ST3GAL5: variants seen among roughly 807,000 people sequenced by gnomAD.
The protein encoded by ST3GAL5 is lactosylceramide alpha-2,3-sialyltransferase.
ST3GAL5 carries 25 observed loss-of-function variants against 46.1 expected under a neutral mutation model. The observed-to-expected ratio is 0.54, with a 90% CI of 0.40 to 0.76. The LOEUF (loss-of-function observed/expected upper bound fraction) is 0.76, where lower values mean the gene tolerates loss of function less well. ST3GAL5 is among the 30% of genes least tolerant of loss of function. The probability of loss-of-function intolerance (pLI) is 0.00; values close to 1 mark genes in which losing one functional copy is unlikely to be tolerated. For missense variants in ST3GAL5, 431 were observed against 521.2 expected (o/e 0.83, Z 1.69); for synonymous variants, 182 against 192.7 (o/e 0.94, Z 0.46).
intron 3 of ST3GAL5, chr2:85,855,045 CAA>C (rs1383301003): frequency 2.0e-5 from 3 of 152,296 alleles, no homozygotes; most frequent in Admixed American, 2.0e-4. Context: ...AACTGGAGAA[CAA>C]CATGCAAAAG....
rs935431865 is a variant in ST3GAL5, at chr2:85,854,888, C to T, written c.318+6293G>A. ...CACACAGAGGGACGATCAGGGATAGCCTCTTAGAAGGGGTAACCGCTGAGC... is the reference window on the plus strand; with the variant it reads ...CACACAGAGGGACGATCAGGGATAGTCTCTTAGAAGGGGTAACCGCTGAGC... On this transcript the variant is annotated intron_variant, in intron 3 of 6. Coordinates refer to ENST00000638572, the MANE Select transcript of ST3GAL5 (RefSeq NM_003896.4). The T allele has an allele frequency of 2.6e-5, 4 of 152,168 alleles. No homozygotes were observed. In the East Asian group the frequency reaches 7.7e-4, roughly 29 times the overall value. The allele number at this position is 152,168 out of a possible 1,614,324, so 9.4% of individuals were successfully genotyped here.
chr2:85,883,273 A>T (rs1244944318), intron 1 of ST3GAL5, among the ~76,000 whole-genome samples: 1 of 152,138 alleles, frequency 6.6e-6, no homozygotes, highest in Non-Finnish European at 1.5e-5. Flanking sequence ...TATTCTCATG[A>T]TAGTGAATAA....
chr2:85,847,057 G>T (rs1352675327), intron 4 of ST3GAL5, among the ~76,000 whole-genome samples: 1 of 152,174 alleles, frequency 6.6e-6, no homozygotes, highest in African/African-American at 2.4e-5. Context: ...GCCTCCCAAA[G>T]TGCTGGGATT....
At chr2:85,840,691 A>G (rs2103909025) in intron 6 of ST3GAL5, among the ~76,000 whole-genome samples, 1 of 152,114 alleles carries the variant, frequency 6.6e-6, no homozygotes, top group South Asian at 2.1e-4. Flanking sequence ...CACGCCTGTA[A>G]TCCCAGCACT....
intron 5 of ST3GAL5, chr2:85,846,174 A>T: frequency 1.8e-6 from 1 of 568,434 alleles, no homozygotes; most frequent in Non-Finnish European, 3.1e-6. Context: ...CCAGCCCTCT[A>T]GCCTGGACAA....
rs571800958 is a variant in ST3GAL5 at position 85,852,947 on chromosome 2, C to A, written c.319-4743G>T. The A allele has an allele frequency of 8.4e-6, 11 of 1,304,226 alleles. No individual in the cohort carries two copies. The South Asian group carries it at 1.2e-4, about 15-fold the overall frequency. 80.8% of individuals were successfully genotyped at this position (1,304,226 alleles called of 1,614,324 possible). A position where few individuals can be genotyped will look rare whatever the true frequency, so the allele number is the denominator to read the frequency against. On this transcript the variant is annotated intron_variant, in intron 3 of 6. Transcript: ENST00000638572. ...GTTTGAAGATGCTGGTGCCTGGGCT[C>A]ACTGAATGCTTCAGCAGGGAGGGCC...
chr2:85,863,526 G>A lies in ST3GAL5; in HGVS notation c.83-41C>T, dbSNP rs753015511. 4.3e-6 allele frequency: 7 copies of A among 1,609,274 alleles called. No homozygotes were observed. The African/African-American group carries it at 6.7e-5, about 15-fold the overall frequency. On this transcript the variant is annotated intron_variant, in intron 1 of 6. Coordinates refer to ENST00000638572, the MANE Select transcript of ST3GAL5 (RefSeq NM_003896.4). ...AAGAGGGCAGTGGGGAAAAAGAGAG[G>A]AGAGAGTTAGGAGGATGGATTATGG... is the stretch of plus-strand genomic sequence containing the variant.
At position 85,861,216 on chromosome 2, in the gene ST3GAL5, TC is replaced by T. The variant is rs1383734078; in HGVS notation, c.282del (p.Met94IlefsTer12). The T allele has an allele frequency of 3.1e-6, 5 of 1,613,170 alleles. No homozygotes were observed. The highest frequency in any genetic ancestry group is 2.7e-5 in the African/African-American group (2 of 74,924). The part of the protein sequence containing the change: ...KLNYTTEECD[M>X]KKMHYVDPDH... ...TCAGGGTCCACATAATGCATTTTTT[TC>T]ATGTCACATTCTTCAGTAGTATAAT... is the stretch of plus-strand genomic sequence containing the variant. On this transcript the variant is annotated frameshift_variant, in exon 3 of 7. Transcript: ENST00000638572. LOFTEE classifies it high-confidence loss of function.
intron 3 of ST3GAL5, chr2:85,852,933 C>G (rs377092093): frequency 5.4e-6 from 7 of 1,301,844 alleles, no homozygotes; most frequent in East Asian, 1.1e-4. Flanking sequence ...TTTGAAGATG[C>G]TGGTGCCTGG....
At chr2:85,847,537 ACT>A (rs1483501371) in intron 4 of ST3GAL5, 4 of 1,102,956 alleles carry the variant, frequency 3.6e-6, no homozygotes, top group Non-Finnish European at 4.4e-6. Flanking sequence ...CTGGAGCCAC[ACT>A]GACCAAGAGC....
intron 1 of ST3GAL5, among the ~76,000 whole-genome samples, chr2:85,884,633 T>C (rs1278779996): frequency 6.6e-6 from 1 of 152,130 alleles, no homozygotes; most frequent in Non-Finnish European, 1.5e-5. Context: ...TCAGAGGCCA[T>C]ACTTGTCCTA....
At chr2:85,844,146 A>T (rs536473290) in intron 6 of ST3GAL5, among the ~76,000 whole-genome samples, 20 of 152,332 alleles carry the variant, frequency 1.3e-4, no homozygotes, top group Non-Finnish European at 2.6e-4. Flanking sequence ...ATACCTTAAA[A>T]TAGTATCTCA....
In ST3GAL5 at chr2:85,876,828, G is replaced by A. The variant is rs538776661; in HGVS notation, c.82+11996C>T. 6.6e-5 allele frequency among the ~76,000 whole-genome samples: 10 copies of A among 152,218 alleles called. No individual in the cohort carries two copies. The South Asian group carries it at 1.0e-3, about 16-fold the overall frequency. On this transcript the variant is annotated intron_variant, in intron 1 of 6. Transcript: ENST00000638572. Reference sequence around the variant, plus strand: ...TGCAAGAAAGCTCAGTGCTGTGGGCGTGACTTCTATAATGACCACGGAAAG... The same window carrying A: ...TGCAAGAAAGCTCAGTGCTGTGGGCATGACTTCTATAATGACCACGGAAAG...
intron 1 of ST3GAL5, among the ~76,000 whole-genome samples, chr2:85,885,822 CAA>C (rs1263574205): frequency 1.9e-4 from 15 of 78,162 alleles, no homozygotes; most frequent in East Asian, 7.6e-4. Flanking sequence ...GACTCTGTCT[CAA>C]AAAAAAAAAA....
chr2:85,877,052 C>T (rs1402940970), intron 1 of ST3GAL5, among the ~76,000 whole-genome samples: 2 of 152,176 alleles, frequency 1.3e-5, no homozygotes, highest in African/African-American at 4.8e-5. Flanking sequence ...GCTGCCATTC[C>T]ATTGGTATAC....
At chr2:85,884,655 TAG>T in intron 1 of ST3GAL5, among the ~76,000 whole-genome samples, 1 of 152,170 alleles carries the variant, frequency 6.6e-6, no homozygotes, top group Non-Finnish European at 1.5e-5. Flanking sequence ...TCTTTTCTGC[TAG>T]AGTATAGATT....
intron 2 of ST3GAL5, among the ~76,000 whole-genome samples, chr2:85,863,146 G>A (rs1573651147): frequency 6.6e-6 from 1 of 152,200 alleles, no homozygotes; most frequent in Admixed American, 6.5e-5. Flanking sequence ...CAGCTACTGG[G>A]CACTGTGCAC....
intron 1 of ST3GAL5, chr2:85,880,829 A>G (rs202057644): frequency 1.1e-5 from 1 of 94,466 alleles, no homozygotes; most frequent in African/African-American, 1.4e-4. Flanking sequence ...GTCTAAAAAG[A>G]AAAAAAAAAA....
At chr2:85,864,887 G>A (rs1331012637) in intron 1 of ST3GAL5, among the ~76,000 whole-genome samples, 1 of 152,192 alleles carries the variant, frequency 6.6e-6, no homozygotes, top group Non-Finnish European at 1.5e-5. Flanking sequence ...TGGGATATGA[G>A]CAGAAGCATC....
Sources: allele counts gnomAD v4.1 joint callset (sites outside exome capture counted in the v4.1 genomes callset), GRCh38; gene constraint gnomAD v4.1.1; transcripts MANE v1.5; gene names NCBI Gene and HGNC (gene_info 2026-07-23, HGNC 2026-07-21).